Variants in NEB observed in about 807,000 individuals in gnomAD.
The protein encoded by NEB is nemaline myopathy type 2.
A neutral mutation model predicts 952.2 loss-of-function variants in NEB; 512 were observed. The observed-to-expected ratio is 0.54, with a 90% CI of 0.50 to 0.58. NEB has a LOEUF of 0.58. NEB is among the 20% of genes least tolerant of loss of function. The pLI is 0.00. For missense variants in NEB, 8,428 were observed against 9,231.1 expected, an observed-to-expected ratio of 0.91 and a Z score of 3.56; for synonymous variants, 2,900 against 3,149.8, an observed-to-expected ratio of 0.92 and a Z score of 2.66.
chr2:151,651,349 T>G (rs1375604972), intron 52 of NEB, among the ~76,000 whole-genome samples: 1 of 152,222 alleles, frequency 6.6e-6, no homozygotes, highest in East Asian at 1.9e-4. Context: ...TGTGATATTC[T>G]TATGGAAATG....
At chr2:151,620,679 C>T (rs1015929570) in intron 72 of NEB, among the ~76,000 whole-genome samples, 2 of 151,924 alleles carry the variant, frequency 1.3e-5, no homozygotes, top group African/African-American at 4.8e-5. Context: ...TAGCTTTAAT[C>T]GAGGCACTCA....
chr2:151,709,545 T>TC, intron 12 of NEB, 111 bp downstream of exon 12: 1 of 746,908 alleles, frequency 1.3e-6, no homozygotes, highest in Non-Finnish European at 2.2e-6. Context: ...CCCTGGTAGT[T>TC]CCCCCAAGAA....
intron 156 of NEB, among the ~76,000 whole-genome samples, chr2:151,517,056 T>G (rs918301782): frequency 3.9e-5 from 6 of 152,198 alleles, no homozygotes; most frequent in African/African-American, 1.4e-4. Flanking sequence ...AGTAAACAAC[T>G]CTATGTGGGT....
At position 151,514,552 on chromosome 2, in the gene NEB, G is replaced by A. The variant is rs2076565425; in HGVS notation, c.23017-124C>T. The A allele has an allele frequency of 7.7e-6, 6 of 783,332 alleles. No homozygotes were observed. The South Asian group carries it at 9.0e-5, about 12-fold the overall frequency. The allele number at this position is 783,332 out of a possible 1,614,324, so 48.5% of individuals were successfully genotyped here. A position where few individuals can be genotyped will look rare whatever the true frequency, so the allele number is the denominator to read the frequency against. On this transcript the variant is annotated intron_variant, in intron 158 of 181. Coordinates refer to ENST00000397345, the MANE Select transcript of NEB (RefSeq NM_001164508.2). Reference sequence around the variant, plus strand: ...TTCACAGTTTAGTAAGTAAAAATATGAATACAGGCAGGGTATAAGCATGAT... The same window carrying A: ...TTCACAGTTTAGTAAGTAAAAATATAAATACAGGCAGGGTATAAGCATGAT...
chr2:151,662,521 C>T (rs1558966463), intron 45 of NEB, among the ~76,000 whole-genome samples, 180 bp from the exon 46 acceptor site: 1 of 152,142 alleles, frequency 6.6e-6, no homozygotes, highest in East Asian at 1.9e-4. Context: ...ACCATTTCTT[C>T]CCTAAACTTT....
At chr2:151,636,383 C>T (rs1560780383) in intron 63 of NEB, 49 bp from the exon 64 acceptor site, 2 of 1,413,420 alleles carry the variant, frequency 1.4e-6, no homozygotes, top group Non-Finnish European at 1.9e-6. Context: ...TATCTAAAAA[C>T]TGACAGAGGA....
Position 151,697,544 on chromosome 2 carries a change from A to C in NEB, c.1257T>G (p.Asp419Glu), listed in dbSNP as rs549485763. 6.8e-6 allele frequency: 11 copies of C among 1,611,718 alleles called. No individual in the cohort carries two copies. The highest frequency in any genetic ancestry group is 3.4e-5 in the Admixed American group (2 of 59,682). The change falls in exon 14 of 182, where the codon GAT becomes GAG. Residue 419 changes from aspartate (D) to glutamate (E), a missense_variant and splice_region_variant. By Grantham distance (45) the Asp-to-Glu change is conservative. Coordinates refer to ENST00000397345, the MANE Select transcript of NEB (RefSeq NM_001164508.2). Reference sequence around the variant, plus strand: ...AAAGAGTGACAGTAGGATTGCTTACATCACTACTGAAGTTCTGCAGAACAG... The same window carrying C: ...AAAGAGTGACAGTAGGATTGCTTACCTCACTACTGAAGTTCTGCAGAACAG... ...LDTVLQNFSS[D>E]KKYKDSYLKD...
intron 60 of NEB, among the ~76,000 whole-genome samples, chr2:151,642,354 G>A (rs1185916232): frequency 1.3e-5 from 2 of 152,186 alleles, no homozygotes; most frequent in African/African-American, 2.4e-5. Context: ...AGCAGGAAAC[G>A]GACATGTTTT....
chr2:151,710,560 TA>T (rs1443749923), intron 10 of NEB, 22 bp from the exon 11 acceptor site: 8 of 1,452,068 alleles, frequency 5.5e-6, no homozygotes, highest in Non-Finnish European at 7.7e-6. Flanking sequence ...AAAAAGAAAA[TA>T]AGACAAGCAT....
At position 151,629,664 on chromosome 2, in the gene NEB, AAG is replaced by A. The variant is rs765430472; in HGVS notation, c.9724-20_9724-19del. On this transcript the variant is annotated intron_variant, in intron 67 of 181. Coordinates refer to ENST00000397345, the MANE Select transcript of NEB (RefSeq NM_001164508.2). ...TATAGAGTCTATGAAAAGAAAGGCAAAGAGTTAAAGCAAAAGGTTTGACATCA... is the reference window on the plus strand; with the variant it reads ...TATAGAGTCTATGAAAAGAAAGGCAAAGTTAAAGCAAAAGGTTTGACATCA... 3.3e-5 allele frequency: 52 copies of A among 1,595,154 alleles called. No individual in the cohort carries two copies. Among genetic ancestry groups the A allele is most frequent in the Middle Eastern group, 1.7e-4 (1 of 6,000 alleles).
chr2:151,508,179 G>A (rs2070866148), intron 161 of NEB, 70 bp from the exon 162 acceptor site: 1 of 1,038,948 alleles, frequency 9.6e-7, no homozygotes, highest in African/African-American at 1.6e-5. Flanking sequence ...ACCTAAAATA[G>A]GCTATTTTAG....
chr2:151,632,758 A>G (rs2098694708), intron 65 of NEB, among the ~76,000 whole-genome samples: 2 of 152,068 alleles, frequency 1.3e-5, no homozygotes, highest in African/African-American at 4.8e-5. Flanking sequence ...TACTTCCCAC[A>G]TTATGAAGGT....
chr2:151,644,801 A>G (rs2098932470), intron 55 of NEB, among the ~76,000 whole-genome samples: 1 of 152,234 alleles, frequency 6.6e-6, no homozygotes, highest in African/African-American at 2.4e-5. Flanking sequence ...TCCCAAATAC[A>G]GTCATGCATT....
chr2:151,521,376 A>G (rs2081885557), intron 153 of NEB, among the ~76,000 whole-genome samples: 1 of 152,210 alleles, frequency 6.6e-6, no homozygotes, highest in South Asian at 2.1e-4. Flanking sequence ...AAATGCTACA[A>G]TGGCTCTTCT....
chr2:151,601,085 T>TTTTTA (rs1315269235), intron 88 of NEB, among the ~76,000 whole-genome samples: 13 of 127,748 alleles, frequency 1.0e-4, no homozygotes, highest in Admixed American at 7.4e-5. Flanking sequence ...GTTGAAATTT[T>TTTTTA]TTTTATTTTA....
At chr2:151,543,181 A>G (rs1028976170) in intron 135 of NEB, among the ~76,000 whole-genome samples, 3 of 152,222 alleles carry the variant, frequency 2.0e-5, no homozygotes, top group African/African-American at 7.2e-5. Flanking sequence ...GGCCTAAAAA[A>G]TAATAGTTGC....
At chr2:151,601,257 C>CCCAT (rs1232288472) in intron 88 of NEB, among the ~76,000 whole-genome samples, 1 of 105,100 alleles carries the variant, frequency 9.5e-6, no homozygotes, top group Non-Finnish European at 1.9e-5. Flanking sequence ...TACAGGCATC[C>CCCAT]GCCACCATGC....
chr2:151,551,270 A>G (rs577518808), intron 129 of NEB, among the ~76,000 whole-genome samples: 3 of 152,276 alleles, frequency 2.0e-5, no homozygotes, highest in African/African-American at 7.2e-5. Flanking sequence ...CACCTGGCCA[A>G]AAATTATTTT....
intron 34 of NEB, among the ~76,000 whole-genome samples, chr2:151,675,946 C>A (rs921387309): frequency 6.6e-6 from 1 of 152,138 alleles, no homozygotes; most frequent in Admixed American, 6.5e-5. Flanking sequence ...ATTATATACA[C>A]TTTTGACTGA....
Sources: gnomAD v4.1 joint callset for allele counts (sites outside exome capture counted in the v4.1 genomes callset) on GRCh38, gnomAD v4.1.1 for gene constraint, MANE v1.5 for transcripts, NCBI Gene and HGNC (gene_info 2026-07-23, HGNC 2026-07-21) for gene names.